The following TXNDC16 variants were observed in gnomAD, a reference collection of about 807,000 sequenced individuals.
The protein encoded by TXNDC16 is thioredoxin domain-containing protein 16.
TXNDC16 carries 74 observed loss-of-function variants against 85.6 expected under a neutral mutation model. That is an observed-to-expected ratio of 0.86 (90% CI 0.72 to 1.05). The LOEUF (loss-of-function observed/expected upper bound fraction) is 1.05. TXNDC16 is among the 50% of genes least tolerant of loss of function. The pLI, the probability that TXNDC16 is intolerant of heterozygous loss-of-function variation, is 0.00. For synonymous variants in TXNDC16, 335 were observed against 326.5 expected (o/e 1.03, Z -0.28); for missense variants, 959 against 947.0 (o/e 1.01, Z -0.17).
rs761008122 is a variant in TXNDC16, at chr14:52,493,215, A to ATATATATATATATATAT, written c.757-2211_757-2210insATATATATATATATATA. Among the ~76,000 whole-genome samples the ATATATATATATATATAT allele has an allele frequency of 6.6e-3, 798 of 120,888 alleles. 17 individuals are homozygous for ATATATATATATATATAT. The highest frequency in any genetic ancestry group is 0.031 in the East Asian group (115 of 3,690). The allele number at this position is 120,888 out of a possible 152,430, so 79.3% of individuals were successfully genotyped here. On this transcript the variant is annotated intron_variant, in intron 9 of 20. Transcript: ENST00000281741. ...GTTCTATATATATATATATATATAT[A>ATATATATATATATATAT]TACACACACACACACACACATATTT...
In TXNDC16 at chr14:52,482,878, T is replaced by C. The variant is rs1355029510; in HGVS notation, c.1196A>G (p.Glu399Gly). Residue 399 changes from glutamate to glycine, a missense_variant, in exon 13 of 21, where the codon GAA (glutamate) becomes GGA (glycine). Glu to Gly is a moderately conservative substitution (Grantham distance 98). Coordinates refer to ENST00000281741, the MANE Select transcript of TXNDC16 (RefSeq NM_020784.3). ...AGCCATCACTGTTGCATTAAATGTTTCTTCTGTTAGTTCCACTGTAAGTTC... is the reference window on the plus strand; with the variant it reads ...AGCCATCACTGTTGCATTAAATGTTCCTTCTGTTAGTTCCACTGTAAGTTC... Reference protein sequence around the residue: ...PLELTVELTEETFNATVMASD... With the variant: ...PLELTVELTEGTFNATVMASD... 6 of 1,612,424 alleles carry C rather than the reference T, an allele frequency of 3.7e-6. No individual in the cohort carries two copies. Among genetic ancestry groups the C allele is most frequent in the Non-Finnish European group, 5.1e-6 (6 of 1,179,476 alleles).
At chr14:52,492,754 C>T (rs985690660) in intron 9 of TXNDC16, among the ~76,000 whole-genome samples, 4 of 152,114 alleles carry the variant, frequency 2.6e-5, no homozygotes, top group Admixed American at 2.6e-4. Context: ...AGTCAGGGGG[C>T]AGAAATGTCA....
chr14:52,519,356 C>G, intron 6 of TXNDC16, 63 bp from the exon 7 acceptor site: 1 of 1,293,162 alleles, frequency 7.7e-7, no homozygotes, highest in Non-Finnish European at 1.1e-6. Flanking sequence ...CACCACACTT[C>G]TGTTAAAGAA....
At chr14:52,530,429 A>ATTATATATTATATATTATTATAT (rs2037509643) in intron 6 of TXNDC16, among the ~76,000 whole-genome samples, 2 of 17,994 alleles carry the variant, frequency 1.1e-4, no homozygotes, top group African/African-American at 6.0e-4. Flanking sequence ...TATTATATAT[A>ATTATATATTATATATTATTATAT]ATAATATATA....
At chr14:52,450,887 AC>A (rs2035394907) in intron 18 of TXNDC16, among the ~76,000 whole-genome samples, 4 of 150,992 alleles carry the variant, frequency 2.6e-5, no homozygotes, top group South Asian at 2.1e-4. Flanking sequence ...ATATACACAC[AC>A]ACACACATAC....
intron 1 of TXNDC16, among the ~76,000 whole-genome samples, chr14:52,547,061 T>C (rs2037955324): frequency 6.6e-6 from 1 of 152,232 alleles, no homozygotes; most frequent in Non-Finnish European, 1.5e-5. Flanking sequence ...TGGTTGCTGT[T>C]GGTGGTGTTT....
chr14:52,475,478 G>C (rs970528987), intron 14 of TXNDC16, among the ~76,000 whole-genome samples: 2 of 152,180 alleles, frequency 1.3e-5, no homozygotes, highest in African/African-American at 4.8e-5. Context: ...GCTGTTGAGT[G>C]GGGGCACAGT....
intron 6 of TXNDC16, among the ~76,000 whole-genome samples, chr14:52,532,229 G>A (rs547347594): frequency 6.6e-6 from 1 of 152,186 alleles, no homozygotes; most frequent in African/African-American, 2.4e-5. Flanking sequence ...AGCTGAGTGT[G>A]GTGGTGTGCA....
At chr14:52,441,273 T>A (rs1033244354) in intron 18 of TXNDC16, among the ~76,000 whole-genome samples, 6 of 152,214 alleles carry the variant, frequency 3.9e-5, no homozygotes, top group African/African-American at 1.4e-4. Flanking sequence ...GAATTTAATA[T>A]GAAATTAGAA....
chr14:52,480,975 GTATATA>G (rs141877325), intron 14 of TXNDC16, among the ~76,000 whole-genome samples: 29,042 of 134,782 alleles, frequency 0.22, 3,507 homozygotes, highest in East Asian at 0.54. Flanking sequence ...ATATATATAT[GTATATA>G]TATATATATA....
chr14:52,455,220 T>A, intron 18 of TXNDC16, 104 bp downstream of exon 18: 1 of 1,328,518 alleles, frequency 7.5e-7, no homozygotes, highest in Non-Finnish European at 1.0e-6. Flanking sequence ...CAAATCACCC[T>A]GCCCTGTACC....
At chr14:52,510,646 C>A (rs2036932881) in intron 9 of TXNDC16, among the ~76,000 whole-genome samples, 1 of 152,110 alleles carries the variant, frequency 6.6e-6, no homozygotes, top group Admixed American at 6.6e-5. Context: ...ACACATGCAC[C>A]ACTTTTATAT....
chr14:52,551,207 T>A (rs1235250534), intron 1 of TXNDC16, among the ~76,000 whole-genome samples: 1 of 151,610 alleles, frequency 6.6e-6, no homozygotes, highest in Non-Finnish European at 1.5e-5. Context: ...GACTTTAAAG[T>A]TCCCTGTGGA....
chr14:52,529,076 C>T (rs11628498), intron 6 of TXNDC16, among the ~76,000 whole-genome samples: 12,796 of 149,376 alleles, frequency 0.086, 606 homozygotes, highest in East Asian at 0.14. Flanking sequence ...TGTAACCAAC[C>T]CAAACGTCCA....
At chr14:52,487,361 G>T (rs2036294447) in intron 12 of TXNDC16, among the ~76,000 whole-genome samples, 1 of 152,092 alleles carries the variant, frequency 6.6e-6, no homozygotes, top group Non-Finnish European at 1.5e-5. Context: ...CACAATGCAT[G>T]GACCTCATGA....
intron 18 of TXNDC16, among the ~76,000 whole-genome samples, chr14:52,455,103 G>A (rs1254895814): frequency 2.0e-5 from 3 of 152,110 alleles, no homozygotes; most frequent in Non-Finnish European, 2.9e-5. Context: ...ACTGAACTTC[G>A]GCCACACTAG....
rs1031142042 is a variant in TXNDC16 at position 52,490,904 on chromosome 14, A to G, written c.858T>C (p.Asp286=). Residue 286 remains aspartate, a synonymous_variant, in exon 10 of 21, where the codon GAT becomes GAC. Coordinates refer to ENST00000281741, the MANE Select transcript of TXNDC16 (RefSeq NM_020784.3). The stretch of plus-strand genomic sequence containing the variant: ...AAGCAACCCATTCTGCAGTTCTTCT[A>G]TCAGCTTCATAAGTAGCCTGTTGGC... The part of the protein sequence containing the change: ...IVSQQATYEA[D]RRTAEWVAWR... 5 of 1,613,598 alleles carry G rather than the reference A, an allele frequency of 3.1e-6. No homozygotes were observed. The African/African-American group carries it at 4.0e-5, about 13-fold the overall frequency.
intron 16 of TXNDC16, among the ~76,000 whole-genome samples, chr14:52,466,392 CAAAAAAAAAA>C (rs35493549): frequency 1.8e-5 from 1 of 56,700 alleles, no homozygotes; most frequent in African/African-American, 7.0e-5. Context: ...GACTCTGTCT[CAAAAAAAAAA>C]AAAAAAAAAA....
At chr14:52,530,421 T>A (rs868008959) in intron 6 of TXNDC16, among the ~76,000 whole-genome samples, 300 of 16,306 alleles carry the variant, frequency 0.018, 17 homozygotes, top group African/African-American at 0.031. Context: ...TTATATAATA[T>A]TATATATAAT....
Sources: allele counts gnomAD v4.1 joint callset (sites outside exome capture counted in the v4.1 genomes callset), GRCh38; gene constraint gnomAD v4.1.1; transcripts MANE v1.5; gene names NCBI Gene and HGNC (gene_info 2026-07-23, HGNC 2026-07-21).